The following LPP variants were observed in gnomAD, a reference collection of about 807,000 sequenced individuals.
LPP encodes lipoma-preferred partner.
LPP carries 38 observed loss-of-function variants against 60.4 expected under a neutral mutation model. That is an observed-to-expected ratio of 0.63 (90% CI 0.49 to 0.83). The LOEUF (loss-of-function observed/expected upper bound fraction) is 0.83. Ranked by LOEUF, LPP falls within the 40% of genes least tolerant of loss-of-function variation. The probability of loss-of-function intolerance (pLI) is 0.00; values close to 1 mark genes in which losing one functional copy is unlikely to be tolerated. For synonymous variants in LPP, 328 were observed against 290.8 expected (o/e 1.13, Z -1.30); for missense variants, 902 against 783.6 (o/e 1.15, Z -1.80).
chr3:188,319,738 A>T (rs1756384042), intron 2 of LPP, among the ~76,000 whole-genome samples: 1 of 152,248 alleles, frequency 6.6e-6, no homozygotes, highest in Non-Finnish European at 1.5e-5. Flanking sequence ...CATCTTATAT[A>T]ACCAAAGTAT....
intron 3 of LPP, among the ~76,000 whole-genome samples, chr3:188,378,002 C>T (rs535313667): frequency 5.9e-5 from 9 of 152,154 alleles, no homozygotes; most frequent in African/African-American, 9.7e-5. Context: ...GTATCAGCAG[C>T]GGTGGCTGCA....
At chr3:188,859,667 A>G (rs1476040409) in intron 9 of LPP, among the ~76,000 whole-genome samples, 1 of 152,180 alleles carries the variant, frequency 6.6e-6, no homozygotes, top group Admixed American at 6.5e-5. Flanking sequence ...GGCATATAAG[A>G]AGTTTGTTTA....
intron 2 of LPP, among the ~76,000 whole-genome samples, chr3:188,317,415 A>G (rs1445114015): frequency 6.6e-6 from 1 of 152,180 alleles, no homozygotes; most frequent in Non-Finnish European, 1.5e-5. Context: ...AGGCTTGAGC[A>G]GTGCCAAAAA....
At chr3:188,552,321 G>T (rs1247424808) in intron 6 of LPP, among the ~76,000 whole-genome samples, 1 of 152,106 alleles carries the variant, frequency 6.6e-6, no homozygotes, top group Non-Finnish European at 1.5e-5. Flanking sequence ...ATATATTACT[G>T]ATTTAACTGT....
At chr3:188,504,316 AT>A (rs1285385228) in intron 5 of LPP, among the ~76,000 whole-genome samples, 2 of 151,320 alleles carry the variant, frequency 1.3e-5, no homozygotes, top group African/African-American at 4.9e-5. Flanking sequence ...TTCCCATTTT[AT>A]TCATGCATTG....
intron 3 of LPP, among the ~76,000 whole-genome samples, chr3:188,394,920 T>C (rs1371271198): frequency 6.6e-6 from 1 of 152,152 alleles, no homozygotes; most frequent in African/African-American, 2.4e-5. Context: ...TGCTATTAAA[T>C]GTGAAATTGC....
intron 5 of LPP, among the ~76,000 whole-genome samples, chr3:188,507,106 T>A (rs1224718701): frequency 6.6e-6 from 1 of 152,182 alleles, no homozygotes; most frequent in East Asian, 1.9e-4. Flanking sequence ...CCATAACCTT[T>A]ATTTTATTGC....
At chr3:188,434,535 G>C (rs552192372) in intron 4 of LPP, among the ~76,000 whole-genome samples, 1 of 152,196 alleles carries the variant, frequency 6.6e-6, no homozygotes, top group East Asian at 1.9e-4. Flanking sequence ...AAGAGTCTTT[G>C]GCCAGCACTG....
rs375922976 is a variant in LPP at position 188,846,632 on chromosome 3, C to G, written c.1411-19568C>G. On this transcript the variant is annotated intron_variant, in intron 9 of 11. Coordinates refer to ENST00000617246, the MANE Select transcript of LPP (RefSeq NM_001375462.1). ...CCAGGAGGTGGAGGTTGCAGTGAGC[C>G]AAGATTGCACCACTGCACTCCAGCC... Among the ~76,000 whole-genome samples the G allele has an allele frequency of 1.8e-4, 25 of 136,918 alleles. No individual in the cohort carries two copies. The East Asian group carries it at 4.2e-3, about 23-fold the overall frequency. 89.8% of individuals were successfully genotyped at this position (136,918 alleles called of 152,430 possible). A position where few individuals can be genotyped will look rare whatever the true frequency, so the allele number is the denominator to read the frequency against.
chr3:188,692,310 C>T (rs1446894719), intron 7 of LPP, among the ~76,000 whole-genome samples: 2 of 152,160 alleles, frequency 1.3e-5, no homozygotes, highest in African/African-American at 4.8e-5. Flanking sequence ...TCTTCATGCA[C>T]AGCACAGACA....
chr3:188,812,788 TC>T (rs1751396574), intron 9 of LPP, among the ~76,000 whole-genome samples: 12 of 151,960 alleles, frequency 7.9e-5, no homozygotes, highest in Admixed American at 7.9e-4. Context: ...TCTCTCTCTC[TC>T]TCTCTCGCTG....
intron 7 of LPP, among the ~76,000 whole-genome samples, chr3:188,627,947 C>G (rs999446341): frequency 9.9e-5 from 15 of 152,038 alleles, no homozygotes; most frequent in African/African-American, 3.6e-4. Context: ...AAATATAAAT[C>G]AATACTAAGA....
At chr3:188,595,886 G>A (rs1213771621) in intron 6 of LPP, among the ~76,000 whole-genome samples, 1 of 152,154 alleles carries the variant, frequency 6.6e-6, no homozygotes, top group Non-Finnish European at 1.5e-5. Flanking sequence ...CCTTAACTGT[G>A]TATTCAGTTC....
intron 3 of LPP, among the ~76,000 whole-genome samples, chr3:188,382,941 T>A (rs1363418385): frequency 6.6e-6 from 1 of 152,190 alleles, no homozygotes; most frequent in Non-Finnish European, 1.5e-5. Flanking sequence ...ATGACCTTAG[T>A]GTGTCTACTG....
At chr3:188,509,361 A>T (rs955359676) in intron 5 of LPP, among the ~76,000 whole-genome samples, 1 of 152,212 alleles carries the variant, frequency 6.6e-6, no homozygotes, top group African/African-American at 2.4e-5. Context: ...AGAAGACACT[A>T]AAACTAAGAG....
chr3:188,511,022 A>C (rs1444106194), intron 5 of LPP, among the ~76,000 whole-genome samples: 1 of 149,890 alleles, frequency 6.7e-6, no homozygotes, highest in Non-Finnish European at 1.5e-5. Flanking sequence ...CCCCTGATCC[A>C]TTCTCTTTCC....
intron 9 of LPP, among the ~76,000 whole-genome samples, chr3:188,850,045 C>T (rs1306550168): frequency 5.3e-5 from 8 of 152,176 alleles, no homozygotes; most frequent in Non-Finnish European, 1.0e-4. Context: ...TGCCTGAGCC[C>T]CAGCCCCAGA....
intron 3 of LPP, among the ~76,000 whole-genome samples, chr3:188,399,173 G>A (rs761226594): frequency 1.3e-5 from 2 of 152,136 alleles, no homozygotes; most frequent in African/African-American, 2.4e-5. Flanking sequence ...GGCTCATGGC[G>A]GAGCCAAGAC....
At chr3:188,613,063 T>C (rs1244751327) in intron 7 of LPP, among the ~76,000 whole-genome samples, 1 of 152,106 alleles carries the variant, frequency 6.6e-6, no homozygotes, top group East Asian at 1.9e-4. Flanking sequence ...TCCTATACCA[T>C]CTGAGCAGAG....
Sources: allele counts gnomAD v4.1 joint callset (sites outside exome capture counted in the v4.1 genomes callset), GRCh38; gene constraint gnomAD v4.1.1; transcripts MANE v1.5; gene names NCBI Gene and HGNC (gene_info 2026-07-23, HGNC 2026-07-21).